The following RBFOX1 variants were observed in gnomAD, a reference collection of about 807,000 sequenced individuals.
The protein encoded by RBFOX1 is RNA binding fox-1 homolog 1.
RBFOX1 carries 8 observed loss-of-function variants against 57.7 expected under a neutral mutation model. The observed-to-expected ratio is 0.14, with a 90% CI of 0.08 to 0.25. The LOEUF (loss-of-function observed/expected upper bound fraction) is 0.25, where lower values mean the gene tolerates loss of function less well. RBFOX1 is among the 10% of genes least tolerant of loss of function. RBFOX1 has a pLI of 1.00. For missense variants in RBFOX1, 611 were observed against 548.5 expected, an observed-to-expected ratio of 1.11 and a Z score of -1.14; for synonymous variants, 326 against 222.4, an observed-to-expected ratio of 1.47 and a Z score of -4.15.
chr16:6,260,661 T>G (rs2097696526), intron 1 of RBFOX1, among the ~76,000 whole-genome samples: 1 of 152,164 alleles, frequency 6.6e-6, no homozygotes, highest in African/African-American at 2.4e-5. Flanking sequence ...GTGGATCACT[T>G]GAGGTCACGA....
intron 4 of RBFOX1, among the ~76,000 whole-genome samples, chr16:7,245,613 T>C (rs964621294): frequency 7.2e-5 from 11 of 152,360 alleles, no homozygotes; most frequent in Middle Eastern, 3.4e-3. Flanking sequence ...GGTTAAACTT[T>C]TGGAGAGCTA....
intron 4 of RBFOX1, among the ~76,000 whole-genome samples, chr16:7,318,781 C>G (rs2096491184): frequency 6.6e-6 from 1 of 152,124 alleles, no homozygotes; most frequent in African/African-American, 2.4e-5. Flanking sequence ...AACCGCCAGA[C>G]CCACCCCCCA....
intron 14 of RBFOX1, among the ~76,000 whole-genome samples, chr16:7,706,374 C>T (rs1446362742): frequency 6.6e-6 from 1 of 152,182 alleles, no homozygotes; most frequent in Non-Finnish European, 1.5e-5. Flanking sequence ...TATTTTCCTT[C>T]TGCCTTGGAA....
In RBFOX1 at chr16:5,421,688, C is replaced by T. The variant is rs913696497; in HGVS notation, c.220-45528C>T. ...TTTATTCTTTAATTATTAAAAAAGACATTTGAGTGGCAAAACAGATCCTGA... is the reference window on the plus strand; with the variant it reads ...TTTATTCTTTAATTATTAAAAAAGATATTTGAGTGGCAAAACAGATCCTGA... On this transcript the variant is annotated intron_variant, in intron 1 of 2. Coordinates refer to the RBFOX1 transcript ENST00000585867. Among the ~76,000 whole-genome samples, 5 of 152,316 alleles carry T rather than the reference C, an allele frequency of 3.3e-5. No individual in the cohort carries two copies. In the East Asian group the frequency reaches 9.6e-4, roughly 29 times the overall value.
chr16:7,679,549 C>G (rs2074221266), intron 14 of RBFOX1, among the ~76,000 whole-genome samples: 1 of 152,214 alleles, frequency 6.6e-6, no homozygotes, highest in Non-Finnish European at 1.5e-5. Flanking sequence ...ATGAGATTCA[C>G]TCTTCAGACA....
intron 3 of RBFOX1, among the ~76,000 whole-genome samples, chr16:5,826,788 C>T (rs1208235850): frequency 6.6e-6 from 1 of 152,132 alleles, no homozygotes; most frequent in Non-Finnish European, 1.5e-5. Context: ...TTTTATAATT[C>T]CAAATATATT....
intron 1 of RBFOX1, among the ~76,000 whole-genome samples, chr16:5,243,411 G>A (rs571069275): frequency 1.4e-4 from 21 of 152,276 alleles, no homozygotes; most frequent in Middle Eastern, 3.4e-3. Context: ...GAGCATCCGC[G>A]TTGCAGGTAT....
chr16:6,546,811 G>C (rs2096902759), intron 2 of RBFOX1, among the ~76,000 whole-genome samples: 1 of 152,158 alleles, frequency 6.6e-6, no homozygotes, highest in Non-Finnish European at 1.5e-5. Context: ...GGGGTCATAG[G>C]CTCCATAATA....
intron 2 of RBFOX1, among the ~76,000 whole-genome samples, chr16:5,493,157 G>T (rs189217211): frequency 1.3e-5 from 2 of 152,314 alleles, no homozygotes; most frequent in East Asian, 3.9e-4. Context: ...TACTTAGATG[G>T]TTCTTGAAAC....
chr16:6,679,957 G>A (rs2058378627), intron 3 of RBFOX1, among the ~76,000 whole-genome samples: 1 of 132,344 alleles, frequency 7.6e-6, no homozygotes, highest in Non-Finnish European at 1.5e-5. Flanking sequence ...TTAAAGTAGT[G>A]TTTTTATATA....
At position 7,658,625 on chromosome 16, in the gene RBFOX1, C is replaced by T. The variant is rs540487969; in HGVS notation, c.890+4678C>T. On this transcript the variant is annotated intron_variant, in intron 12 of 15. Coordinates refer to ENST00000550418, the MANE Select transcript of RBFOX1 (RefSeq NM_018723.4). ...TAGTATCTTTGATGTTAGAAAACAG[C>T]AGCTAAATCCCAATCCCCTCCCTCA... Among the ~76,000 whole-genome samples, 4 of 152,280 alleles carry T rather than the reference C, an allele frequency of 2.6e-5. No individual in the cohort carries two copies. In the South Asian group the frequency reaches 8.3e-4, roughly 32 times the overall value.
chr16:5,582,800 T>G (rs1019074236), intron 2 of RBFOX1, among the ~76,000 whole-genome samples: 1 of 152,124 alleles, frequency 6.6e-6, no homozygotes, highest in African/African-American at 2.4e-5. Flanking sequence ...GAGGTGGTTA[T>G]CAGTTCAGCC....
At chr16:7,686,332 C>A (rs902156348) in intron 14 of RBFOX1, among the ~76,000 whole-genome samples, 1 of 152,000 alleles carries the variant, frequency 6.6e-6, no homozygotes, top group Non-Finnish European at 1.5e-5. Flanking sequence ...AAATTGGGAA[C>A]CGCAAGATCA....
intron 3 of RBFOX1, among the ~76,000 whole-genome samples, chr16:6,995,346 C>T (rs1205238314): frequency 7.2e-6 from 1 of 139,032 alleles, no homozygotes; most frequent in Non-Finnish European, 1.5e-5. Flanking sequence ...AGTGGTGATC[C>T]TGCTTTGTAT....
At chr16:5,461,852 T>G (rs2151596235) in intron 1 of RBFOX1, among the ~76,000 whole-genome samples, 1 of 152,306 alleles carries the variant, frequency 6.6e-6, no homozygotes, top group Admixed American at 6.5e-5. Context: ...GCATTTATCT[T>G]TGAGAGCCAT....
chr16:7,433,379 C>T (rs2098697414), intron 4 of RBFOX1, among the ~76,000 whole-genome samples: 1 of 152,294 alleles, frequency 6.6e-6, no homozygotes, highest in South Asian at 2.1e-4. Context: ...CTCCTCCCCA[C>T]GTCATCATAG....
chr16:5,889,652 G>GTGC (rs1315343044), intron 4 of RBFOX1, among the ~76,000 whole-genome samples: 6 of 152,180 alleles, frequency 3.9e-5, no homozygotes, highest in African/African-American at 1.4e-4. Context: ...ACATGTCCTC[G>GTGC]TGCACTGAGG....
chr16:5,287,085 G>A (rs2063413568), intron 1 of RBFOX1, among the ~76,000 whole-genome samples: 1 of 152,206 alleles, frequency 6.6e-6, no homozygotes, highest in Non-Finnish European at 1.5e-5. Flanking sequence ...CAGGAGGACG[G>A]CTTGAGGCCA....
At chr16:5,241,511 G>C (rs1385198549) in intron 1 of RBFOX1, among the ~76,000 whole-genome samples, 1 of 152,220 alleles carries the variant, frequency 6.6e-6, no homozygotes, top group Non-Finnish European at 1.5e-5. Flanking sequence ...CCTAGGGAAC[G>C]TGAGTGTGGA....
Sources: allele counts gnomAD v4.1 joint callset (sites outside exome capture counted in the v4.1 genomes callset), GRCh38; gene constraint gnomAD v4.1.1; transcripts MANE v1.5; gene names NCBI Gene and HGNC (gene_info 2026-07-23, HGNC 2026-07-21).